EP300: variants seen among roughly 807,000 people sequenced by gnomAD.
EP300 encodes EP300 lysine acetyltransferase.
A neutral mutation model predicts 264.0 loss-of-function variants in EP300; 31 were observed. The observed-to-expected ratio is 0.12, with a 90% CI of 0.09 to 0.16. The LOEUF (loss-of-function observed/expected upper bound fraction) is 0.16, where lower values mean the gene tolerates loss of function less well. Among genes scored for constraint, EP300 ranks in the 10% least tolerant of loss-of-function variants. EP300 has a pLI of 1.00. For missense variants in EP300, 2,766 were observed against 3,052.9 expected (o/e 0.91, Z 2.21); for synonymous variants, 1,340 against 1,045.4 (o/e 1.28, Z -5.44).
chr22:41,140,113 T>TA (rs1569102678), intron 8 of EP300, 27 bp from the exon 9 acceptor site: 1 of 1,485,690 alleles, frequency 6.7e-7, no homozygotes, highest in Admixed American at 1.7e-5. Context: ...GACATGATAT[T>TA]ACAGTGGTAG....
chr22:41,151,373 T>G (rs919575360), intron 14 of EP300, among the ~76,000 whole-genome samples: 1 of 152,200 alleles, frequency 6.6e-6, no homozygotes, highest in African/African-American at 2.4e-5. Context: ...GAATGCCAGT[T>G]TATCTCATTA....
chr22:41,126,188 G>C (rs963053145), intron 3 of EP300, 148 bp downstream of exon 3: 10 of 764,294 alleles, frequency 1.3e-5, no homozygotes, highest in South Asian at 1.0e-4. Context: ...CTGTGAGGAG[G>C]CTTGTGCTTC....
intron 18 of EP300, among the ~76,000 whole-genome samples, 165 bp from the exon 19 acceptor site, chr22:41,158,245 AAT>A (rs768985921): frequency 6.6e-6 from 1 of 152,198 alleles, no homozygotes; most frequent in African/African-American, 2.4e-5. Context: ...GTTTTGAAAT[AAT>A]GTGGTAGTAA....
At chr22:41,097,834 A>G (rs1016586406) in intron 1 of EP300, among the ~76,000 whole-genome samples, 2 of 151,816 alleles carry the variant, frequency 1.3e-5, no homozygotes, top group Non-Finnish European at 2.9e-5. Context: ...AGCTGGGACT[A>G]CAGGCGCCTG....
At chr22:41,113,825 C>T (rs751119832) in intron 1 of EP300, among the ~76,000 whole-genome samples, 3 of 152,234 alleles carry the variant, frequency 2.0e-5, no homozygotes, top group South Asian at 2.1e-4. Flanking sequence ...GGATAACAGG[C>T]GTGAGCCACT....
chr22:41,138,915 A>G (rs2058967063), intron 8 of EP300, among the ~76,000 whole-genome samples: 1 of 151,928 alleles, frequency 6.6e-6, no homozygotes, highest in Non-Finnish European at 1.5e-5. Flanking sequence ...CCACGAACCC[A>G]TGCTTGCTAA....
chr22:41,142,448 A>G (rs545302518), intron 10 of EP300, among the ~76,000 whole-genome samples: 26 of 152,336 alleles, frequency 1.7e-4, no homozygotes, highest in Admixed American at 2.6e-4. Flanking sequence ...CTGAGGAAAT[A>G]GTATACATGG....
Position 41,092,926 on chromosome 22 carries a change from G to C in EP300, c.-79G>C. 6.4e-7 allele frequency: 1 copy of C among 1,553,578 alleles called. No individual in the cohort carries two copies. The highest frequency in any genetic ancestry group is 1.7e-5 in the Admixed American group (1 of 59,960). On this transcript the variant is annotated 5_prime_UTR_variant, in exon 1 of 31. Coordinates refer to ENST00000263253, the MANE Select transcript of EP300 (RefSeq NM_001429.4). ...AGCCCCCCAGCCCACCCCTGGGTGC[G>C]GCGCGGGGACCCCGGGCCGAAGAAG...
chr22:41,102,530 C>G (rs1473429027), intron 1 of EP300, among the ~76,000 whole-genome samples: 1 of 152,116 alleles, frequency 6.6e-6, no homozygotes, highest in South Asian at 2.1e-4. Context: ...GGGGGCCAAT[C>G]ATGGAGGGCT....
At position 41,147,727 on chromosome 22, in the gene EP300, G is replaced by A. The variant is rs191182890; in HGVS notation, c.2132-110G>A. 6.2e-6 allele frequency: 5 copies of A among 809,882 alleles called. No homozygotes were observed. In the Admixed American group the frequency reaches 1.0e-4, roughly 16 times the overall value. 50.2% of individuals were successfully genotyped at this position (809,882 alleles called of 1,614,324 possible). A position where few individuals can be genotyped will look rare whatever the true frequency, so the allele number is the denominator to read the frequency against. On this transcript the variant is annotated intron_variant, in intron 11 of 30. Transcript: ENST00000263253. ...CACTCCAGCCTGGGCGACAGAGCAA[G>A]ACTCCGTCTCAAAAAAAAAAAAAGA...
At chr22:41,145,510 A>G (rs1245583677) in intron 10 of EP300, among the ~76,000 whole-genome samples, 1 of 152,244 alleles carries the variant, frequency 6.6e-6, no homozygotes, top group Non-Finnish European at 1.5e-5. Context: ...CACTACAGAC[A>G]TCTGTCCTTT....
chr22:41,141,508 T>TG (rs1353274571), intron 10 of EP300, among the ~76,000 whole-genome samples: 1 of 152,182 alleles, frequency 6.6e-6, no homozygotes. Flanking sequence ...ATAGCCTACA[T>TG]ACAGATGTTC....
At chr22:41,109,863 G>C (rs998933066) in intron 1 of EP300, among the ~76,000 whole-genome samples, 2 of 151,694 alleles carry the variant, frequency 1.3e-5, no homozygotes, top group Admixed American at 6.6e-5. Context: ...TCCCAGGCTG[G>C]AGTGCAATGG....
chr22:41,092,663 G>A lies in EP300; in HGVS notation c.-342G>A, dbSNP rs2058678864. The A allele has an allele frequency of 1.6e-6, 1 of 633,752 alleles. No individual in the cohort carries two copies. The highest frequency in any genetic ancestry group is 2.8e-5 in the Admixed American group (1 of 35,616). 39.3% of individuals were successfully genotyped at this position (633,752 alleles called of 1,614,324 possible). On this transcript the variant is annotated 5_prime_UTR_variant, in exon 1 of 31. Coordinates refer to ENST00000263253, the MANE Select transcript of EP300 (RefSeq NM_001429.4). ...GCGGAGCTCCGAGAGACCTCGGCTG[G>A]GCAGGGGCCGGCCGTGGCGGGCCGG...
At chr22:41,137,616 T>C (rs1483374331) in intron 7 of EP300, 37 bp from the exon 8 acceptor site, 1 of 1,613,892 alleles carries the variant, frequency 6.2e-7, no homozygotes, top group East Asian at 2.2e-5. Context: ...TCTCCTACCT[T>C]TCTTCACTAA....
chr22:41,119,069 C>T (rs978191962), intron 2 of EP300, among the ~76,000 whole-genome samples: 1 of 147,576 alleles, frequency 6.8e-6, no homozygotes, highest in Non-Finnish European at 1.5e-5. Flanking sequence ...CTGGCCTAAT[C>T]ATGGCTTACT....
intron 13 of EP300, among the ~76,000 whole-genome samples, chr22:41,149,527 G>C (rs575740464): frequency 6.6e-6 from 1 of 152,126 alleles, no homozygotes; most frequent in Non-Finnish European, 1.5e-5. Context: ...ATTTTTCTGC[G>C]GTGGCTGAGG....
intron 1 of EP300, among the ~76,000 whole-genome samples, chr22:41,095,232 A>ATTTTTTTTTTT (rs66515117): frequency 3.7e-5 from 3 of 80,246 alleles, no homozygotes; most frequent in Non-Finnish European, 4.4e-5. Flanking sequence ...TACCATTGTA[A>ATTTTTTTTTTT]TTTTTTTTTT....
At chr22:41,129,745 A>C in intron 4 of EP300, 145 bp from the exon 5 acceptor site, 1 of 657,694 alleles carries the variant, frequency 1.5e-6, no homozygotes. Flanking sequence ...AATTCTGAGT[A>C]TTAATAGGAG....
Sources: gnomAD v4.1 joint callset for allele counts (sites outside exome capture counted in the v4.1 genomes callset) on GRCh38, gnomAD v4.1.1 for gene constraint, MANE v1.5 for transcripts, NCBI Gene and HGNC (gene_info 2026-07-23, HGNC 2026-07-21) for gene names.